PDE8B: variants seen among roughly 807,000 people sequenced by gnomAD.
PDE8B encodes the protein phosphodiesterase 8B.
In PDE8B, 26 loss-of-function variants were observed where a neutral mutation model predicts 101.3. The observed-to-expected ratio is 0.26, with a 90% CI of 0.19 to 0.36. PDE8B has a LOEUF of 0.36. Ranked by LOEUF, PDE8B falls within the 10% of genes least tolerant of loss-of-function variation. The pLI is 1.00. For missense variants in PDE8B, 810 were observed against 1,163.1 expected, an observed-to-expected ratio of 0.70 and a Z score of 4.42; for synonymous variants, 424 against 429.3, an observed-to-expected ratio of 0.99 and a Z score of 0.15.
chr5:77,328,500 G>A (rs1229822016), intron 3 of PDE8B, among the ~76,000 whole-genome samples: 1 of 150,908 alleles, frequency 6.6e-6, no homozygotes, highest in Admixed American at 6.6e-5. Context: ...GTGGCTCTTT[G>A]TACCACCTTT....
intron 14 of PDE8B, among the ~76,000 whole-genome samples, 199 bp downstream of exon 14, chr5:77,409,256 T>C (rs10514098): frequency 0.11 from 16,197 of 152,236 alleles, 911 homozygotes; most frequent in South Asian, 0.15. Context: ...TGTCTTTCCA[T>C]GAGGCTGGCC....
chr5:77,117,700 G>A, the PDE8B span, among the ~76,000 whole-genome samples: 3 of 152,186 alleles, frequency 2.0e-5, no homozygotes, highest in Non-Finnish European at 4.4e-5. Flanking sequence ...CAGCCAAAAG[G>A]GGTGGACAGA....
chr5:77,366,255 T>A (rs1040263970), intron 10 of PDE8B, among the ~76,000 whole-genome samples: 7 of 152,304 alleles, frequency 4.6e-5, no homozygotes, highest in African/African-American at 1.4e-4. Flanking sequence ...AAATCTTCAA[T>A]AGATCATCGT....
chr5:77,238,776 C>T (rs1206985985), intron 1 of PDE8B, among the ~76,000 whole-genome samples: 3 of 152,160 alleles, frequency 2.0e-5, no homozygotes, highest in Non-Finnish European at 4.4e-5. Flanking sequence ...TGTGTAAATT[C>T]TAGTACGAGT....
chr5:77,097,707 C>CTATATATATATATATATATA, the PDE8B span, among the ~76,000 whole-genome samples: 5 of 20,930 alleles, frequency 2.4e-4, no homozygotes, highest in African/African-American at 3.9e-4. Flanking sequence ...ATATATATAT[C>CTATATATATATATATATATA]TATATATATA....
chr5:77,327,356 G>T (rs750065605), intron 3 of PDE8B, among the ~76,000 whole-genome samples: 2 of 152,186 alleles, frequency 1.3e-5, no homozygotes, highest in African/African-American at 2.4e-5. Context: ...TGAGAGAAAA[G>T]AGACAGCAGC....
At chr5:77,335,924 G>A (rs1456817311) in intron 5 of PDE8B, among the ~76,000 whole-genome samples, 3 of 151,482 alleles carry the variant, frequency 2.0e-5, no homozygotes, top group Admixed American at 6.6e-5. Context: ...AAGTATTGAT[G>A]TGATCATGTC....
chr5:77,105,657 T>C, the PDE8B span: 26 of 152,200 alleles, frequency 1.7e-4, no homozygotes, highest in Non-Finnish European at 7.4e-5. Context: ...TTCTTTCAGA[T>C]AAATACCTGG....
At chr5:77,403,920 G>A (rs2151027601) in intron 11 of PDE8B, among the ~76,000 whole-genome samples, 1 of 152,146 alleles carries the variant, frequency 6.6e-6, no homozygotes, top group African/African-American at 2.4e-5. Context: ...CCAGGTTCAA[G>A]CGATCCTCCT....
chr5:77,365,089 G>A (rs1368924861), intron 10 of PDE8B, among the ~76,000 whole-genome samples: 9 of 152,184 alleles, frequency 5.9e-5, no homozygotes, highest in Admixed American at 5.9e-4. Context: ...ACTGGTGCTA[G>A]GGAACAGCAG....
chr5:77,136,730 G>A, the PDE8B span, among the ~76,000 whole-genome samples: 2 of 152,152 alleles, frequency 1.3e-5, no homozygotes, highest in African/African-American at 2.4e-5. Flanking sequence ...CTCTTGAAGG[G>A]TATAAGCCTA....
Position 77,299,242 on chromosome 5 carries a change from TTTTGTTTG to T in PDE8B, c.340-12732_340-12725del, listed in dbSNP as rs57889879. The stretch of plus-strand genomic sequence containing the variant: ...AAGATTGGGAACATGAGAGTTGTTT[TTTTGTTTG>T]TTTGTTTGTTTGTTTGTTTTATTTT... On this transcript the variant is annotated intron_variant, in intron 1 of 21. Transcript: ENST00000264917. Among the ~76,000 whole-genome samples, 42 of 150,800 alleles carry T rather than the reference TTTTGTTTG, an allele frequency of 2.8e-4. No individual in the cohort carries two copies. The South Asian group carries it at 5.5e-3, about 20-fold the overall frequency.
chr5:77,146,762 G>A, the PDE8B span: 3 of 311,970 alleles, frequency 9.6e-6, no homozygotes, highest in African/African-American at 2.2e-5. Context: ...TGGCAAAGGC[G>A]AACAAGGCTC....
chr5:77,162,416 G>A, the PDE8B span, among the ~76,000 whole-genome samples: 1 of 152,076 alleles, frequency 6.6e-6, no homozygotes, highest in East Asian at 1.9e-4. Context: ...AAATTGACAA[G>A]CTGACTTTAA....
At chr5:77,138,686 T>C in the PDE8B span, among the ~76,000 whole-genome samples, 1 of 152,240 alleles carries the variant, frequency 6.6e-6, no homozygotes, top group Non-Finnish European at 1.5e-5. Context: ...TTTTCTTCTT[T>C]GAAATGATCT....
intron 2 of PDE8B, among the ~76,000 whole-genome samples, chr5:77,319,410 T>G (rs1208874658): frequency 2.6e-5 from 4 of 152,284 alleles, no homozygotes; most frequent in African/African-American, 9.6e-5. Context: ...GCAAAGCATG[T>G]AGTTGTGTTG....
chr5:77,245,547 A>C (rs904681722), intron 1 of PDE8B, among the ~76,000 whole-genome samples: 2 of 152,276 alleles, frequency 1.3e-5, no homozygotes, highest in East Asian at 3.9e-4. Flanking sequence ...GAATGAAGTG[A>C]GATGATTATT....
chr5:77,275,943 G>A (rs1763775982), intron 1 of PDE8B, among the ~76,000 whole-genome samples: 1 of 152,120 alleles, frequency 6.6e-6, no homozygotes, highest in Non-Finnish European at 1.5e-5. Flanking sequence ...GTTGTGCTCT[G>A]AACTAAAGCA....
chr5:77,112,141 T>C, the PDE8B span: 1 of 152,224 alleles, frequency 6.6e-6, no homozygotes. Context: ...CAATGAATCA[T>C]AATTGGAAGT....
Sources: allele counts gnomAD v4.1 joint callset (sites outside exome capture counted in the v4.1 genomes callset), GRCh38; gene constraint gnomAD v4.1.1; transcripts MANE v1.5; gene names NCBI Gene and HGNC (gene_info 2026-07-23, HGNC 2026-07-21).